The following LDB3 variants were observed in gnomAD, a reference collection of about 807,000 sequenced individuals.
LDB3 encodes the protein LIM domain-binding protein 3.
In LDB3, 49 loss-of-function variants were observed where a neutral mutation model predicts 69.0. The ratio of observed to expected loss-of-function variants is 0.71; its 90% confidence interval spans 0.56 to 0.90. The LOEUF is 0.90. LDB3 is among the 40% of genes least tolerant of loss of function. The pLI, the probability that LDB3 is intolerant of heterozygous loss-of-function variation, is 0.00. For synonymous variants in LDB3, 387 were observed against 396.2 expected, an observed-to-expected ratio of 0.98 and a Z score of 0.28; for missense variants, 928 against 974.1, an observed-to-expected ratio of 0.95 and a Z score of 0.63.
intron 7 of LDB3, among the ~76,000 whole-genome samples, chr10:86,704,972 T>C (rs1202231287): frequency 1.4e-5 from 2 of 147,350 alleles, no homozygotes; most frequent in Non-Finnish European, 3.0e-5. Flanking sequence ...TGCCTCAGTC[T>C]CCCAAAGTGC....
intron 6 of LDB3, 57 bp from the exon 7 acceptor site, chr10:86,692,478 C>A (rs1341480422): frequency 1.9e-6 from 3 of 1,565,316 alleles, no homozygotes; most frequent in Non-Finnish European, 2.6e-6. Context: ...AGAGCCCCAG[C>A]AGCTTTCCTT....
intron 9 of LDB3, among the ~76,000 whole-genome samples, chr10:86,714,732 T>A (rs1275250314): frequency 6.6e-6 from 1 of 151,878 alleles, no homozygotes; most frequent in Non-Finnish European, 1.5e-5. Flanking sequence ...ATTTTTTGTA[T>A]TTTTTTAGTA....
rs368078924 is a variant in LDB3, at chr10:86,692,576, G to A, written c.896+5G>A. The stretch of plus-strand genomic sequence containing the variant: ...AGAAGCTCTGCGAAGGTCAAGGTAA[G>A]TGCCTGGACTCAGGCTCTGTGGCCT... On this transcript the variant is annotated splice_donor_5th_base_variant and intron_variant, in intron 7 of 13. Transcript: ENST00000361373. 2 of 1,613,938 alleles carry A rather than the reference G, an allele frequency of 1.2e-6. No homozygotes were observed. The highest frequency in any genetic ancestry group is 1.7e-6 in the Non-Finnish European group (2 of 1,179,876).
chr10:86,668,959 C>A (rs577075150), intron 2 of LDB3, among the ~76,000 whole-genome samples, 175 bp downstream of exon 2: 1 of 152,208 alleles, frequency 6.6e-6, no homozygotes, highest in Non-Finnish European at 1.5e-5. Context: ...CTCACTGGAG[C>A]GCGCCGGCCT....
intron 10 of LDB3, 52 bp downstream of exon 10, chr10:86,716,823 G>T: frequency 6.5e-7 from 1 of 1,544,456 alleles, no homozygotes; most frequent in Non-Finnish European, 8.8e-7. Flanking sequence ...CGTGTGTGTG[G>T]GGTGCTTGCC....
At chr10:86,683,021 G>C (rs1845251784) in intron 5 of LDB3, among the ~76,000 whole-genome samples, 1 of 151,846 alleles carries the variant, frequency 6.6e-6, no homozygotes, top group Non-Finnish European at 1.5e-5. Flanking sequence ...CAAGGTGACA[G>C]AGCCATATAT....
chr10:86,708,565 G>A (rs543099896), intron 8 of LDB3, among the ~76,000 whole-genome samples: 17 of 152,272 alleles, frequency 1.1e-4, no homozygotes, highest in Middle Eastern at 3.4e-3. Context: ...ATGGAAGCCT[G>A]GCACCCCTTG....
chr10:86,732,019 T>G (rs1025102059), intron 13 of LDB3, among the ~76,000 whole-genome samples: 1 of 148,994 alleles, frequency 6.7e-6, no homozygotes, highest in Non-Finnish European at 1.5e-5. Flanking sequence ...CTTTTTTTTT[T>G]TTTTTGGTAG....
chr10:86,696,595 C>G (rs1158571300), intron 7 of LDB3, among the ~76,000 whole-genome samples: 2 of 152,210 alleles, frequency 1.3e-5, no homozygotes, highest in Non-Finnish European at 2.9e-5. Context: ...TCACTAAGCA[C>G]TAATGACAAA....
intron 9 of LDB3, among the ~76,000 whole-genome samples, chr10:86,713,495 T>C (rs1373901203): frequency 1.3e-5 from 2 of 152,174 alleles, no homozygotes; most frequent in East Asian, 3.9e-4. Flanking sequence ...TCCACCGGCC[T>C]CAGTCTTCCA....
In LDB3 at chr10:86,682,749, T is replaced by C. The variant is rs149326139; in HGVS notation, c.689+946T>C. 1.5e-3 allele frequency among the ~76,000 whole-genome samples: 235 copies of C among 152,328 alleles called. 1 individual carries two copies. Among genetic ancestry groups the C allele is most frequent in the African/African-American group, 4.7e-3 (197 of 41,570 alleles). On this transcript the variant is annotated intron_variant, in intron 5 of 13. Coordinates refer to ENST00000361373, the MANE Select transcript of LDB3 (RefSeq NM_007078.3). The stretch of plus-strand genomic sequence containing the variant: ...GGGAGGATAAAGGGCCCAACACTTG[T>C]AAAGCTCTGAGCTTTGTCTGTCACC...
intron 12 of LDB3, among the ~76,000 whole-genome samples, chr10:86,723,780 G>T (rs1196176564): frequency 6.6e-6 from 1 of 152,206 alleles, no homozygotes. Flanking sequence ...GATGGACTGG[G>T]ATACATAAGA....
chr10:86,705,617 G>C (rs1227002343), intron 7 of LDB3, among the ~76,000 whole-genome samples: 1 of 152,202 alleles, frequency 6.6e-6, no homozygotes, highest in East Asian at 1.9e-4. Context: ...GGGCACACCT[G>C]GTCCTCTGTC....
chr10:86,718,041 C>A lies in LDB3; in HGVS notation c.1754C>A (p.Ala585Glu). 6.2e-7 allele frequency: 1 copy of A among 1,614,186 alleles called. No homozygotes were observed. The highest frequency in any genetic ancestry group is 8.5e-7 in the Non-Finnish European group (1 of 1,180,028). Residue 585 changes from alanine (A) to glutamate (E), a missense_variant, in exon 11 of 14, where the codon GCA becomes GAA. Transcript: ENST00000361373. ...TGTGCCTACTGCAAGACTTCCCTGG[C>A]AGATGTGTGCTTTGTGGAAGAGCAG... is the stretch of plus-strand genomic sequence containing the variant. ...FTCAYCKTSL[A>E]DVCFVEEQNN...
At chr10:86,711,162 C>T (rs908958574) in intron 9 of LDB3, among the ~76,000 whole-genome samples, 4 of 152,162 alleles carry the variant, frequency 2.6e-5, no homozygotes, top group African/African-American at 9.7e-5. Context: ...CGGGTGGAGG[C>T]GAGGCCTTGC....
chr10:86,732,955 C>T lies in LDB3; in HGVS notation c.2163C>T (p.His721=), dbSNP rs556787635. 1.2e-5 allele frequency: 19 copies of T among 1,613,654 alleles called. No individual in the cohort carries two copies. The highest frequency in any genetic ancestry group is 4.5e-5 in the East Asian group (2 of 44,888). ...SKKDRPLCKK[H]AHTINL ...AGGACAGACCCCTGTGCAAGAAGCACGCACACACCATCAACTTGTAGGCGG... is the reference window on the plus strand; with the variant it reads ...AGGACAGACCCCTGTGCAAGAAGCATGCACACACCATCAACTTGTAGGCGG... Residue 721 remains histidine (H), a synonymous_variant, in exon 14 of 14, where the codon CAC becomes CAT. Coordinates refer to ENST00000361373, the MANE Select transcript of LDB3 (RefSeq NM_007078.3).
intron 7 of LDB3, among the ~76,000 whole-genome samples, chr10:86,700,638 C>A (rs1015800150): frequency 1.3e-5 from 2 of 152,202 alleles, no homozygotes; most frequent in Non-Finnish European, 2.9e-5. Flanking sequence ...TTGCTCCCAG[C>A]TCCCACCCAC....
intron 13 of LDB3, among the ~76,000 whole-genome samples, chr10:86,727,950 A>G (rs1847318686): frequency 6.6e-6 from 1 of 151,878 alleles, no homozygotes; most frequent in Admixed American, 6.6e-5. Flanking sequence ...ATTTTGTGGA[A>G]TACAATTCAA....
At chr10:86,688,097 A>G (rs1845591735) in intron 5 of LDB3, among the ~76,000 whole-genome samples, 2 of 91,420 alleles carry the variant, frequency 2.2e-5, no homozygotes, top group African/African-American at 8.2e-5. Context: ...GTGTCTGTCT[A>G]TCTGTTGTTT....
Sources: allele counts gnomAD v4.1 joint callset (sites outside exome capture counted in the v4.1 genomes callset), GRCh38; gene constraint gnomAD v4.1.1; transcripts MANE v1.5; gene names NCBI Gene and HGNC (gene_info 2026-07-23, HGNC 2026-07-21).